TNS3: variants seen among roughly 807,000 people sequenced by gnomAD.
TNS3 encodes tensin-3.
In TNS3, 45 loss-of-function variants were observed where a neutral mutation model predicts 140.9. The observed-to-expected ratio is 0.32, with a 90% confidence interval of 0.25 to 0.41. The LOEUF (loss-of-function observed/expected upper bound fraction) is 0.41, where lower values mean the gene tolerates loss of function less well. TNS3 is among the 10% of genes least tolerant of loss of function. The pLI, the probability that TNS3 is intolerant of heterozygous loss-of-function variation, is 1.00. For synonymous variants in TNS3, 815 were observed against 788.4 expected, an observed-to-expected ratio of 1.03 and a Z score of -0.56; for missense variants, 1,716 against 1,906.7, an observed-to-expected ratio of 0.90 and a Z score of 1.86.
chr7:47,562,841 G>A (rs1800344644), intron 1 of TNS3, among the ~76,000 whole-genome samples: 1 of 152,164 alleles, frequency 6.6e-6, no homozygotes, highest in African/African-American at 2.4e-5. Context: ...GGCTGTGCAT[G>A]GGAAAAAGAC....
At position 47,303,193 on chromosome 7, in the gene TNS3, T is replaced by C. The variant is rs1358790490; in HGVS notation, c.3214A>G (p.Thr1072Ala). ...TGGCTGCTGTGTCCAGGCGCCACCG[T>C]GAGAAAGTTGTGGGACAGGAAGCCA... ...DNGFLSHNFL[T>A]VAPGHSSHHS... Residue 1072 changes from threonine (T) to alanine (A), a missense_variant, in exon 22 of 31, where the codon ACG becomes GCG. By Grantham distance (58) the Thr-to-Ala change is moderately conservative. Transcript: ENST00000311160. 1 of 1,611,328 alleles carries C rather than the reference T, an allele frequency of 6.2e-7. No individual in the cohort carries two copies. The highest frequency in any genetic ancestry group is 2.2e-5 in the East Asian group (1 of 44,850).
At chr7:47,328,161 G>A (rs1247333954) in intron 20 of TNS3, among the ~76,000 whole-genome samples, 1 of 152,068 alleles carries the variant, frequency 6.6e-6, no homozygotes, top group African/African-American at 2.4e-5. Context: ...CCTGTCCCGA[G>A]GGAGTCGTGC....
intron 17 of TNS3, among the ~76,000 whole-genome samples, chr7:47,355,185 C>T (rs1432559992): frequency 6.6e-6 from 1 of 152,222 alleles, no homozygotes; most frequent in African/African-American, 2.4e-5. Context: ...GACTCCGCCA[C>T]GCCCAGCGGG....
intron 4 of TNS3, among the ~76,000 whole-genome samples, chr7:47,473,102 G>C (rs1282869562): frequency 6.6e-6 from 1 of 152,174 alleles, no homozygotes; most frequent in Non-Finnish European, 1.5e-5. Flanking sequence ...ACCGTGCCCT[G>C]CCAATGCCCG....
At chr7:47,338,180 A>C (rs1312578857) in intron 20 of TNS3, among the ~76,000 whole-genome samples, 1 of 152,242 alleles carries the variant, frequency 6.6e-6, no homozygotes, top group Non-Finnish European at 1.5e-5. Context: ...TTATGTGAAC[A>C]TAAGTCTATT....
intron 4 of TNS3, among the ~76,000 whole-genome samples, chr7:47,456,579 C>T (rs1290039964): frequency 1.3e-5 from 2 of 152,170 alleles, no homozygotes; most frequent in African/African-American, 2.4e-5. Context: ...GGGCAATCAA[C>T]GGAGGCCAGG....
At chr7:47,572,597 C>T (rs991810970) in intron 1 of TNS3, among the ~76,000 whole-genome samples, 18 of 152,232 alleles carry the variant, frequency 1.2e-4, no homozygotes, top group Middle Eastern at 3.4e-3. Flanking sequence ...AACACATGAT[C>T]GGGTGCAGTG....
At chr7:47,487,639 A>G (rs777727617) in intron 3 of TNS3, among the ~76,000 whole-genome samples, 16 of 152,330 alleles carry the variant, frequency 1.1e-4, no homozygotes, top group Non-Finnish European at 1.8e-4. Flanking sequence ...CTGAGTAGAG[A>G]CAAACGGGCC....
chr7:47,403,103 C>A (rs1292860193), intron 13 of TNS3, among the ~76,000 whole-genome samples: 1 of 152,200 alleles, frequency 6.6e-6, no homozygotes, highest in Non-Finnish European at 1.5e-5. Context: ...CCGTGCCCCT[C>A]CCGTCAGTAC....
At chr7:47,342,178 G>A (rs572543754) in intron 20 of TNS3, among the ~76,000 whole-genome samples, 2 of 152,302 alleles carry the variant, frequency 1.3e-5, no homozygotes, top group Non-Finnish European at 2.9e-5. Context: ...TCCATGGCTA[G>A]CTGGCCTATT....
rs573072873 is a variant in TNS3, at chr7:47,276,912, G to A, written c.*1164C>T. The stretch of plus-strand genomic sequence containing the variant: ...ACAAAGAGGGCTGATAAATGCAGGC[G>A]AACTTCAGGTCGTGCAGCTTCAGGC... On this transcript the variant is annotated 3_prime_UTR_variant, in exon 31 of 31. Transcript: ENST00000311160. The A allele has an allele frequency of 6.6e-6, 1 of 152,296 alleles. No homozygotes were observed. Among genetic ancestry groups the A allele is most frequent in the South Asian group, 2.1e-4 (1 of 4,824 alleles). The allele number at this position is 152,296 out of a possible 1,614,324, so 9.4% of individuals were successfully genotyped here. A position where few individuals can be genotyped will look rare whatever the true frequency, so the allele number is the denominator to read the frequency against.
intron 6 of TNS3, among the ~76,000 whole-genome samples, chr7:47,438,655 C>T (rs1795310543): frequency 6.6e-6 from 1 of 152,096 alleles, no homozygotes; most frequent in Non-Finnish European, 1.5e-5. Context: ...AGCACCTGGG[C>T]CAGGGCTGCT....
At chr7:47,528,355 ACT>A (rs762769526) in intron 2 of TNS3, among the ~76,000 whole-genome samples, 1 of 152,028 alleles carries the variant, frequency 6.6e-6, no homozygotes, top group Non-Finnish European at 1.5e-5. Context: ...ACAGGCTGAG[ACT>A]CTGCACATTT....
At chr7:47,478,713 A>G (rs1021164485) in intron 4 of TNS3, among the ~76,000 whole-genome samples, 1 of 152,120 alleles carries the variant, frequency 6.6e-6, no homozygotes, top group African/African-American at 2.4e-5. Flanking sequence ...ATATTCACAT[A>G]CATAACTCTC....
At chr7:47,433,247 G>T (rs576235847) in intron 8 of TNS3, among the ~76,000 whole-genome samples, 2 of 152,242 alleles carry the variant, frequency 1.3e-5, no homozygotes, top group Admixed American at 6.5e-5. Context: ...AAATGTCAGC[G>T]ATTTCACCCC....
rs142099128 is a variant in TNS3 at position 47,546,452 on chromosome 7, G to A, written c.-264-17305C>T. Among the ~76,000 whole-genome samples the A allele has an allele frequency of 5.3e-3, 805 of 152,180 alleles. 9 individuals carry two copies. Among genetic ancestry groups the A allele is most frequent in the African/African-American group, 0.018 (754 of 41,522 alleles). ...AGCCCTGTGCACATCCACTGAATAA[G>A]AGCCTGAGGAAAACCCCTCCCCAGG... On this transcript the variant is annotated intron_variant, in intron 1 of 30. Coordinates refer to ENST00000311160, the MANE Select transcript of TNS3 (RefSeq NM_022748.12).
rs567143375 is a variant in TNS3 at position 47,388,739 on chromosome 7, A to G, written c.1024+8061T>C. On this transcript the variant is annotated intron_variant, in intron 16 of 30. Coordinates refer to ENST00000311160, the MANE Select transcript of TNS3 (RefSeq NM_022748.12). Reference sequence around the variant, plus strand: ...AAATTAGCTGGGCATGGTGGCAGGCACCTGTAGTCCCAGCTACTCGGGAGG... The same window carrying G: ...AAATTAGCTGGGCATGGTGGCAGGCGCCTGTAGTCCCAGCTACTCGGGAGG... Among the ~76,000 whole-genome samples, 180 of 151,998 alleles carry G rather than the reference A, an allele frequency of 1.2e-3. 1 individual carries two copies. Among genetic ancestry groups the G allele is most frequent in the African/African-American group, 4.2e-3 (174 of 41,468 alleles).
intron 1 of TNS3, among the ~76,000 whole-genome samples, chr7:47,566,596 A>C (rs952951562): frequency 2.0e-5 from 3 of 152,226 alleles, no homozygotes; most frequent in Non-Finnish European, 4.4e-5. Context: ...ACCACTGCAT[A>C]ACTCCTAAGG....
intron 20 of TNS3, among the ~76,000 whole-genome samples, chr7:47,314,450 G>A (rs778430540): frequency 3.9e-5 from 6 of 152,164 alleles, no homozygotes; most frequent in African/African-American, 1.2e-4. Context: ...AACAGGAGCC[G>A]GCAGGGCTGG....
Sources: gnomAD v4.1 joint callset for allele counts (sites outside exome capture counted in the v4.1 genomes callset) on GRCh38, gnomAD v4.1.1 for gene constraint, MANE v1.5 for transcripts, NCBI Gene and HGNC (gene_info 2026-07-23, HGNC 2026-07-21) for gene names.